NRG2: variants seen among roughly 807,000 people sequenced by gnomAD.
NRG2 encodes the protein pro-neuregulin-2, membrane-bound isoform.
NRG2 carries 27 observed loss-of-function variants against 73.9 expected under a neutral mutation model. The ratio of observed to expected loss-of-function variants is 0.37; its 90% CI spans 0.27 to 0.50. The LOEUF (loss-of-function observed/expected upper bound fraction) is 0.50, where lower values mean the gene tolerates loss of function less well. Among genes scored for constraint, NRG2 ranks in the 20% least tolerant of loss-of-function variants. NRG2 has a pLI of 0.96. For synonymous variants in NRG2, 532 were observed against 541.0 expected, an observed-to-expected ratio of 0.98 and a Z score of 0.23; for missense variants, 1,126 against 1,210.1, an observed-to-expected ratio of 0.93 and a Z score of 1.03.
At chr5:139,940,484 A>C (rs1753307693) in intron 1 of NRG2, among the ~76,000 whole-genome samples, 2 of 152,332 alleles carry the variant, frequency 1.3e-5, no homozygotes, top group South Asian at 4.1e-4. Context: ...GACTGCATAC[A>C]TTTGCTAAAA....
chr5:139,865,277 C>T lies in NRG2; in HGVS notation c.1189+272G>A. On this transcript the variant is annotated intron_variant, in intron 5 of 9. Transcript: ENST00000361474. The surrounding 1 kb of genome is among the most constrained non-coding windows in gnomAD (Gnocchi z 5.2). ...TGCCAATGCCAGCTGGGTTCCTTGC[C>T]ACCGTTACCATTTGTATTGGCCTTG... 1.0e-6 allele frequency: 1 copy of T among 957,542 alleles called. No homozygotes were observed. Among genetic ancestry groups the T allele is most frequent in the South Asian group, 1.3e-5 (1 of 74,444 alleles). The allele number at this position is 957,542 out of a possible 1,614,324, so 59.3% of individuals were successfully genotyped here.
chr5:140,016,564 TCTC>T (rs1669465725), intron 1 of NRG2, among the ~76,000 whole-genome samples: 1 of 152,198 alleles, frequency 6.6e-6, no homozygotes, highest in South Asian at 2.1e-4. Flanking sequence ...GACAGAACAG[TCTC>T]TGCCCTCAGG....
At chr5:139,867,799 TG>T (rs1561638847) in intron 4 of NRG2, among the ~76,000 whole-genome samples, 38 of 79,728 alleles carry the variant, frequency 4.8e-4, no homozygotes, top group African/African-American at 3.0e-3. Flanking sequence ...TGTGTGTGTA[TG>T]AGTGTGTGTG....
chr5:139,886,496 G>A (rs888757648), intron 2 of NRG2, among the ~76,000 whole-genome samples: 1 of 152,230 alleles, frequency 6.6e-6, no homozygotes, highest in African/African-American at 2.4e-5. Context: ...GCTACTCTGG[G>A]AGGGAGGGTA....
At chr5:140,011,032 A>G (rs1394260917) in intron 1 of NRG2, among the ~76,000 whole-genome samples, 1 of 152,210 alleles carries the variant, frequency 6.6e-6, no homozygotes, top group Non-Finnish European at 1.5e-5. Flanking sequence ...TGTCCTGCAT[A>G]CAGCTGTCAG....
At chr5:140,007,368 C>T (rs1240690763) in intron 1 of NRG2, among the ~76,000 whole-genome samples, 1 of 151,972 alleles carries the variant, frequency 6.6e-6, no homozygotes, top group Non-Finnish European at 1.5e-5. Context: ...GACTTTATTA[C>T]TTATATTAAG....
chr5:139,912,158 C>T (rs1411733548), intron 1 of NRG2, among the ~76,000 whole-genome samples: 1 of 152,182 alleles, frequency 6.6e-6, no homozygotes, highest in Non-Finnish European at 1.5e-5. Flanking sequence ...TTCTTATTCC[C>T]TTGAGGACTG....
At chr5:139,900,867 C>T (rs957031881) in intron 1 of NRG2, among the ~76,000 whole-genome samples, 1 of 152,228 alleles carries the variant, frequency 6.6e-6, no homozygotes, top group South Asian at 2.1e-4. Flanking sequence ...AAGGCAGCAA[C>T]AGGCAGCACC....
intron 1 of NRG2, among the ~76,000 whole-genome samples, chr5:139,945,731 A>G (rs1486205336): frequency 6.6e-6 from 1 of 152,014 alleles, no homozygotes; most frequent in Non-Finnish European, 1.5e-5. Context: ...GAGTCTACTA[A>G]AAAAAGCCAT....
At chr5:140,041,317 C>G (rs976103836) in intron 1 of NRG2, among the ~76,000 whole-genome samples, 2 of 152,078 alleles carry the variant, frequency 1.3e-5, no homozygotes, top group Admixed American at 6.6e-5. Context: ...TGAATAAGCA[C>G]GAGACAGGCT....
intron 1 of NRG2, among the ~76,000 whole-genome samples, chr5:139,922,160 A>G (rs973640644): frequency 1.1e-4 from 16 of 152,136 alleles, no homozygotes; most frequent in African/African-American, 3.6e-4. Flanking sequence ...CAGATAAAAT[A>G]TTTGCAAAGG....
At position 139,894,997 on chromosome 5, in the gene NRG2, C is replaced by T. The variant is rs1015823582; in HGVS notation, c.701-7486G>A. On this transcript the variant is annotated intron_variant, in intron 1 of 9. Coordinates refer to ENST00000361474, the MANE Select transcript of NRG2 (RefSeq NM_004883.3). The surrounding 1 kb of genome is among the most constrained non-coding windows in gnomAD (Gnocchi z 5.0). ...GGAGGCAGAAGCTGCACCAGGAGGG[C>T]AGATAAAGAAGAAGGGGAAGGGAGG... 3.4e-4 allele frequency among the ~76,000 whole-genome samples: 51 copies of T among 152,166 alleles called. No homozygotes were observed. The highest frequency in any genetic ancestry group is 3.2e-3 in the Admixed American group (49 of 15,274).
At chr5:139,930,017 C>T (rs1382726461) in intron 1 of NRG2, among the ~76,000 whole-genome samples, 1 of 152,098 alleles carries the variant, frequency 6.6e-6, no homozygotes, top group Non-Finnish European at 1.5e-5. Context: ...CATTCTTAAC[C>T]CAAGACATTC....
At chr5:139,973,957 G>A (rs867923667) in intron 1 of NRG2, among the ~76,000 whole-genome samples, 1 of 152,126 alleles carries the variant, frequency 6.6e-6, no homozygotes, top group Non-Finnish European at 1.5e-5. Context: ...CTTTAGTTTT[G>A]TTGCTGGGTA....
intron 1 of NRG2, among the ~76,000 whole-genome samples, chr5:139,944,042 T>C (rs920914452): frequency 1.3e-4 from 20 of 152,228 alleles, no homozygotes; most frequent in African/African-American, 4.8e-4. Context: ...TACTCATTTG[T>C]AGTTATTTGA....
chr5:139,904,344 C>T lies in NRG2; in HGVS notation c.701-16833G>A. ...GATCGGGCTCCCTCTCCCGCTTCCT[C>T]CCCTCTGGGTGCTTCTTGCCGCGGC... On this transcript the variant is annotated intron_variant, in intron 1 of 9. Coordinates refer to ENST00000361474, the MANE Select transcript of NRG2 (RefSeq NM_004883.3). The surrounding 1 kb of genome is among the most constrained non-coding windows in gnomAD (Gnocchi z 6.0). The T allele has an allele frequency of 6.3e-7, 1 of 1,592,916 alleles. No individual in the cohort carries two copies. The highest frequency in any genetic ancestry group is 1.7e-5 in the Admixed American group (1 of 59,704).
At chr5:139,890,139 G>A (rs1052119184) in intron 1 of NRG2, among the ~76,000 whole-genome samples, 12 of 152,106 alleles carry the variant, frequency 7.9e-5, no homozygotes, top group South Asian at 2.1e-4. Flanking sequence ...TCACCAACAC[G>A]AGGTATTATC....
chr5:139,968,599 A>G (rs868796945), intron 1 of NRG2, among the ~76,000 whole-genome samples: 21 of 152,346 alleles, frequency 1.4e-4, no homozygotes, highest in Middle Eastern at 6.8e-3. Context: ...TGGGAAGGGC[A>G]GAGGGGTAGC....
chr5:139,995,456 A>C (rs1757952855), intron 1 of NRG2, among the ~76,000 whole-genome samples: 1 of 152,214 alleles, frequency 6.6e-6, no homozygotes. Flanking sequence ...CGGGCAGTTC[A>C]GCCCCAGATG....
Sources: allele counts gnomAD v4.1 joint callset (sites outside exome capture counted in the v4.1 genomes callset), GRCh38; gene constraint gnomAD v4.1.1; non-coding constraint Gnocchi (gnomAD v3.1); transcripts MANE v1.5; gene names NCBI Gene and HGNC (gene_info 2026-07-23, HGNC 2026-07-21).